The following FGD4 variants were observed in gnomAD, a reference collection of about 807,000 sequenced individuals.
FGD4 encodes FYVE, RhoGEF and PH domain containing 4, also known as FYVE, RhoGEF and PH domain-containing protein 4.
FGD4 carries 42 observed loss-of-function variants against 102.0 expected under a neutral mutation model. The observed-to-expected ratio is 0.41, with a 90% CI of 0.32 to 0.53. The LOEUF is 0.53. Ranked by LOEUF, FGD4 falls within the 20% of genes least tolerant of loss-of-function variation. The pLI is 0.21. For synonymous variants in FGD4, 380 were observed against 375.7 expected (o/e 1.01, Z -0.13); for missense variants, 902 against 1,078.2 (o/e 0.84, Z 2.29).
chr12:32,528,352 A>G (rs752808714), intron 1 of FGD4, among the ~76,000 whole-genome samples: 6 of 152,112 alleles, frequency 3.9e-5, no homozygotes, highest in Admixed American at 6.5e-5. Flanking sequence ...GTTATATAAA[A>G]TGGCATAGTG....
chr12:32,490,287 G>A (rs1944042557), intron 1 of FGD4, among the ~76,000 whole-genome samples: 1 of 151,216 alleles, frequency 6.6e-6, no homozygotes, highest in Non-Finnish European at 1.5e-5. Context: ...GATGCTTTTT[G>A]TAGTTTTTCT....
In FGD4 at chr12:32,601,556, G is replaced by A. The variant is rs1308000540; in HGVS notation, c.1247+133G>A. On this transcript the variant is annotated intron_variant, in intron 6 of 16. Transcript: ENST00000534526. ...CTAAATTTTTACATTAAAGACTACT[G>A]ATAGAAGTTGTGGTACAAAGGACTT... The A allele has an allele frequency of 2.4e-5, 26 of 1,096,996 alleles. No individual in the cohort carries two copies. In the East Asian group the frequency reaches 6.3e-4, roughly 27 times the overall value. 68.0% of individuals were successfully genotyped at this position (1,096,996 alleles called of 1,614,324 possible).
At chr12:32,631,370 A>G (rs746804139) in intron 14 of FGD4, among the ~76,000 whole-genome samples, 41 of 152,152 alleles carry the variant, frequency 2.7e-4, no homozygotes, top group Non-Finnish European at 5.4e-4. Context: ...TCATGAGTGA[A>G]TATATTATTT....
intron 1 of FGD4, among the ~76,000 whole-genome samples, chr12:32,432,901 T>G (rs902623141): frequency 2.6e-5 from 4 of 152,242 alleles, no homozygotes; most frequent in African/African-American, 9.6e-5. Context: ...TAATGCCAGC[T>G]CAATATATAA....
intron 6 of FGD4, among the ~76,000 whole-genome samples, chr12:32,601,809 A>G (rs190935620): frequency 3.9e-5 from 6 of 152,354 alleles, no homozygotes; most frequent in Admixed American, 2.6e-4. Context: ...CACTCATTCT[A>G]TAAGAAATCT....
intron 1 of FGD4, among the ~76,000 whole-genome samples, chr12:32,485,193 G>A (rs1172074637): frequency 5.9e-5 from 9 of 152,120 alleles, no homozygotes; most frequent in Admixed American, 5.9e-4. Context: ...GCATAACAAG[G>A]ATGAGAAATT....
rs1951177097 is a variant in FGD4 at position 32,642,009 on chromosome 12, T to C, written c.*1476T>C. On this transcript the variant is annotated 3_prime_UTR_variant, in exon 17 of 17. Transcript: ENST00000534526. ...AAGAATGATCCCACTATCTTTAGTA[T>C]GTAAGGATTACACCTTAGATATAGA... 1 of 152,200 alleles carries C rather than the reference T, an allele frequency of 6.6e-6. No individual in the cohort carries two copies. The highest frequency in any genetic ancestry group is 2.4e-5 in the African/African-American group (1 of 41,464). 9.4% of individuals were successfully genotyped at this position (152,200 alleles called of 1,614,324 possible). A position where few individuals can be genotyped will look rare whatever the true frequency, so the allele number is the denominator to read the frequency against.
At chr12:32,638,946 T>G in intron 16 of FGD4, 151 bp downstream of exon 16, 1 of 1,489,818 alleles carries the variant, frequency 6.7e-7, no homozygotes, top group Non-Finnish European at 8.9e-7. Flanking sequence ...TCAAGTTTGT[T>G]GTTTAAGCTG....
chr12:32,399,820 C>A lies in FGD4; in HGVS notation c.27C>A (p.Phe9Leu), dbSNP rs1186732414. The A allele has an allele frequency of 1.5e-5, 23 of 1,531,372 alleles. No homozygotes were observed. The highest frequency in any genetic ancestry group is 2.0e-5 in the Admixed American group (1 of 50,858). 94.9% of individuals were successfully genotyped at this position (1,531,372 alleles called of 1,614,324 possible). A position where few individuals can be genotyped will look rare whatever the true frequency, so the allele number is the denominator to read the frequency against. Reference protein sequence around the residue: MSDEGGSNFRRVAIRRKSN... With the variant: MSDEGGSNLRRVAIRRKSN... ...TGAGCGACGAGGGCGGCTCCAACTT[C>A]AGGCGGGTGGCGATCCGGCGGAAGT... The change falls in exon 1 of 17, where the codon TTC (phenylalanine) becomes TTA (leucine). Residue 9 changes from phenylalanine to leucine, a missense_variant. Around this residue, in one of 2 missense-constraint regions of FGD4, gnomAD observed 443 missense variants for 459.2 expected, o/e 0.96. Transcript: ENST00000534526.
intron 1 of FGD4, among the ~76,000 whole-genome samples, chr12:32,490,469 T>G (rs1944049839): frequency 6.7e-6 from 1 of 149,086 alleles, no homozygotes; most frequent in South Asian, 2.2e-4. Flanking sequence ...GGATCTCGGC[T>G]CACTGCAACC....
intron 1 of FGD4, among the ~76,000 whole-genome samples, chr12:32,529,016 C>T (rs1293700755): frequency 6.6e-6 from 1 of 152,130 alleles, no homozygotes. Flanking sequence ...ACAAAAATGG[C>T]TTGGTACAAA....
chr12:32,599,400 A>G (rs1222361423), intron 5 of FGD4, among the ~76,000 whole-genome samples: 1 of 134,806 alleles, frequency 7.4e-6, no homozygotes, highest in Non-Finnish European at 1.6e-5. Context: ...AGGCTGAGGC[A>G]GGAGAATGGC....
intron 1 of FGD4, among the ~76,000 whole-genome samples, chr12:32,478,766 C>G (rs1324375954): frequency 6.6e-6 from 1 of 152,108 alleles, no homozygotes; most frequent in Non-Finnish European, 1.5e-5. Flanking sequence ...CCTCCTCATA[C>G]CTTACCAAGT....
intron 3 of FGD4, among the ~76,000 whole-genome samples, chr12:32,580,609 C>T (rs779021763): frequency 3.3e-5 from 5 of 152,102 alleles, no homozygotes; most frequent in Non-Finnish European, 5.9e-5. Flanking sequence ...TACAAATGGC[C>T]GGGCGCGGTG....
At chr12:32,457,978 C>T (rs190937516) in intron 1 of FGD4, among the ~76,000 whole-genome samples, 23 of 151,254 alleles carry the variant, frequency 1.5e-4, no homozygotes, top group Admixed American at 9.9e-4. Context: ...AACATAATTT[C>T]CTCATTTATG....
At chr12:32,472,507 T>C (rs1052773336) in intron 1 of FGD4, among the ~76,000 whole-genome samples, 7 of 152,358 alleles carry the variant, frequency 4.6e-5, no homozygotes, top group East Asian at 1.9e-4. Flanking sequence ...AATTTCTCGC[T>C]GGGCCTTGGC....
chr12:32,533,416 AT>A (rs1432734716), intron 1 of FGD4, among the ~76,000 whole-genome samples: 2 of 151,688 alleles, frequency 1.3e-5, no homozygotes, highest in East Asian at 3.9e-4. Context: ...TTAATCTGAC[AT>A]TTTCTTTTGT....
chr12:32,474,684 T>C (rs1425524357), intron 1 of FGD4, among the ~76,000 whole-genome samples: 1 of 152,070 alleles, frequency 6.6e-6, no homozygotes, highest in Non-Finnish European at 1.5e-5. Flanking sequence ...CCAAGGTGGG[T>C]TGATTGCTTG....
At chr12:32,597,711 A>T (rs566525176) in intron 4 of FGD4, among the ~76,000 whole-genome samples, 1 of 152,240 alleles carries the variant, frequency 6.6e-6, no homozygotes, top group Non-Finnish European at 1.5e-5. Flanking sequence ...GCTTAAATAA[A>T]TACATACTGA....
Sources: gnomAD v4.1 joint callset for allele counts (sites outside exome capture counted in the v4.1 genomes callset) on GRCh38, gnomAD v4.1.1 for gene constraint, gnomAD v4.1.1 regional missense constraint, MANE v1.5 for transcripts, NCBI Gene and HGNC (gene_info 2026-07-23, HGNC 2026-07-21) for gene names.